ZFPM2: variants seen among roughly 807,000 people sequenced by gnomAD.
The protein encoded by ZFPM2 is zinc finger protein ZFPM2.
ZFPM2 carries 20 observed loss-of-function variants against 98.6 expected under a neutral mutation model. That is an observed-to-expected ratio of 0.20 (90% CI 0.14 to 0.29). The LOEUF is 0.29. ZFPM2 is among the 10% of genes least tolerant of loss of function. The probability of loss-of-function intolerance (pLI) is 1.00; values close to 1 mark genes in which losing one functional copy is unlikely to be tolerated. For missense variants in ZFPM2, 1,310 were observed against 1,388.6 expected, an observed-to-expected ratio of 0.94 and a Z score of 0.90; for synonymous variants, 518 against 502.7, an observed-to-expected ratio of 1.03 and a Z score of -0.41.
At chr8:105,374,699 G>C (rs1238125135) in intron 1 of ZFPM2, among the ~76,000 whole-genome samples, 1 of 152,096 alleles carries the variant, frequency 6.6e-6, no homozygotes, top group Admixed American at 6.5e-5. Flanking sequence ...GAGGAGAAGA[G>C]GGTGAAGAGA....
rs935526515 is a variant in ZFPM2 at position 105,443,323 on chromosome 8, AAAC to A, written c.200-954_200-952del. Among the ~76,000 whole-genome samples, 8 of 147,554 alleles carry A rather than the reference AAAC, an allele frequency of 5.4e-5. 1 individual carries two copies. Among genetic ancestry groups the A allele is most frequent in the African/African-American group, 1.3e-4 (5 of 38,464 alleles). Reference sequence around the variant, plus strand: ...GTAAGACTCCTTCTCAAAAAACAAAAAACAAAAAAAAAAAAACTTGGCATTATT... The same window carrying A: ...GTAAGACTCCTTCTCAAAAAACAAAAAAAAAAAAAAAAACTTGGCATTATT... On this transcript the variant is annotated intron_variant, in intron 2 of 7. Coordinates refer to ENST00000407775, the MANE Select transcript of ZFPM2 (RefSeq NM_012082.4).
At chr8:105,742,546 G>T (rs1260545332) in intron 5 of ZFPM2, among the ~76,000 whole-genome samples, 3 of 151,808 alleles carry the variant, frequency 2.0e-5, no homozygotes. Flanking sequence ...TTGTAGATAG[G>T]GTAGAAAGCA....
rs533585063 is a variant in ZFPM2, at chr8:105,585,975, G to A, written c.420+24494G>A. On this transcript the variant is annotated intron_variant, in intron 4 of 7. Transcript: ENST00000407775. ...TATTTGCATGAGTTAGGAGGGGTCA[G>A]GATGTAGTGTGTATGTGGGGGGAAG... 7.6e-4 allele frequency among the ~76,000 whole-genome samples: 115 copies of A among 151,340 alleles called. 2 individuals are homozygous for A. The South Asian group carries it at 0.02, about 26-fold the overall frequency.
intron 3 of ZFPM2, among the ~76,000 whole-genome samples, chr8:105,530,407 C>A (rs1814270722): frequency 2.0e-5 from 3 of 152,152 alleles, no homozygotes; most frequent in Admixed American, 2.0e-4. Flanking sequence ...GCGGCCGTAA[C>A]TAAAGACTAG....
chr8:105,735,703 A>T (rs1332713320), intron 5 of ZFPM2, among the ~76,000 whole-genome samples: 1 of 151,964 alleles, frequency 6.6e-6, no homozygotes, highest in African/African-American at 2.4e-5. Context: ...ATAAATATAT[A>T]CTTTGAGTCA....
intron 5 of ZFPM2, among the ~76,000 whole-genome samples, chr8:105,761,215 G>A (rs147046165): frequency 1.6e-4 from 24 of 149,262 alleles, no homozygotes; most frequent in African/African-American, 4.4e-4. Flanking sequence ...GACCAGTGTC[G>A]CAGGACAGTA....
chr8:105,670,563 C>T (rs566068595), intron 5 of ZFPM2, among the ~76,000 whole-genome samples: 7 of 151,308 alleles, frequency 4.6e-5, no homozygotes, highest in African/African-American at 1.5e-4. Context: ...TGTGTATGCG[C>T]GCCTTCATCC....
At chr8:105,793,067 A>C (rs1228605825) in intron 6 of ZFPM2, among the ~76,000 whole-genome samples, 2 of 151,948 alleles carry the variant, frequency 1.3e-5, no homozygotes, top group African/African-American at 4.8e-5. Flanking sequence ...TTTTAATTGG[A>C]GCATTTAGTC....
At chr8:105,523,026 G>C (rs1814096106) in intron 3 of ZFPM2, among the ~76,000 whole-genome samples, 1 of 152,096 alleles carries the variant, frequency 6.6e-6, no homozygotes, top group South Asian at 2.1e-4. Flanking sequence ...GCTAGGTCTA[G>C]TTCTTATTCT....
At chr8:105,533,158 A>G (rs1814331617) in intron 3 of ZFPM2, among the ~76,000 whole-genome samples, 1 of 152,186 alleles carries the variant, frequency 6.6e-6, no homozygotes, top group South Asian at 2.1e-4. Context: ...GTAACCTGAA[A>G]CTGCTTTTCT....
chr8:105,599,204 G>A (rs1020058461), intron 4 of ZFPM2, among the ~76,000 whole-genome samples: 1 of 151,852 alleles, frequency 6.6e-6, no homozygotes, highest in African/African-American at 2.4e-5. Flanking sequence ...TCCCACTTCT[G>A]TTTGATCCGT....
intron 1 of ZFPM2, among the ~76,000 whole-genome samples, chr8:105,401,301 A>G (rs2129983795): frequency 6.6e-6 from 1 of 152,210 alleles, no homozygotes; most frequent in South Asian, 2.1e-4. Context: ...AATTTTTAAA[A>G]TGGAACAAGC....
intron 1 of ZFPM2, among the ~76,000 whole-genome samples, chr8:105,341,594 T>TTA (rs1048692203): frequency 1.3e-5 from 2 of 151,996 alleles, no homozygotes; most frequent in Admixed American, 6.6e-5. Context: ...TATCCTCATT[T>TTA]TATATATATA....
intron 4 of ZFPM2, among the ~76,000 whole-genome samples, chr8:105,605,655 A>G (rs1816182888): frequency 6.6e-6 from 1 of 152,092 alleles, no homozygotes; most frequent in South Asian, 2.1e-4. Context: ...TTTTTATCTA[A>G]TGAGAGTAAT....
At chr8:105,495,268 G>C (rs1281017462) in intron 3 of ZFPM2, among the ~76,000 whole-genome samples, 4 of 152,104 alleles carry the variant, frequency 2.6e-5, no homozygotes, top group African/African-American at 9.7e-5. Flanking sequence ...AAATGTCATC[G>C]ACAAAATGTA....
chr8:105,422,266 C>G (rs917015797), intron 2 of ZFPM2, among the ~76,000 whole-genome samples: 6 of 151,240 alleles, frequency 4.0e-5, no homozygotes, highest in Admixed American at 4.0e-4. Flanking sequence ...GGCGAAACCC[C>G]ATCTCTACTA....
chr8:105,508,710 C>A (rs1483433907), intron 3 of ZFPM2, among the ~76,000 whole-genome samples: 1 of 151,902 alleles, frequency 6.6e-6, no homozygotes, highest in Admixed American at 6.6e-5. Flanking sequence ...CGGGGCTCTT[C>A]GGCTTCATTT....
Position 105,618,694 on chromosome 8 carries a change from C to A in ZFPM2, c.421-15552C>A, listed in dbSNP as rs920416853. 3.9e-5 allele frequency among the ~76,000 whole-genome samples: 6 copies of A among 152,016 alleles called. No homozygotes were observed. In the East Asian group the frequency reaches 1.2e-3, roughly 29 times the overall value. ...CCAAAATGACCCTATGACATAAATGCGTTTATTATATTTTATTTTGGAGAT... is the reference window on the plus strand; with the variant it reads ...CCAAAATGACCCTATGACATAAATGAGTTTATTATATTTTATTTTGGAGAT... On this transcript the variant is annotated intron_variant, in intron 4 of 7. Coordinates refer to ENST00000407775, the MANE Select transcript of ZFPM2 (RefSeq NM_012082.4).
Position 105,443,340 on chromosome 8 carries a change from C to A in ZFPM2, c.200-940C>A, listed in dbSNP as rs1201567400. 2.0e-3 allele frequency among the ~76,000 whole-genome samples: 225 copies of A among 114,388 alleles called. 2 individuals are homozygous for A. Among genetic ancestry groups the A allele is most frequent in the African/African-American group, 4.1e-3 (93 of 22,928 alleles). The allele number at this position is 114,388 out of a possible 152,430, so 75.0% of individuals were successfully genotyped here. A position where few individuals can be genotyped will look rare whatever the true frequency, so the allele number is the denominator to read the frequency against. On this transcript the variant is annotated intron_variant, in intron 2 of 7. Transcript: ENST00000407775. ...AAAACAAAAAACAAAAAAAAAAAAA[C>A]TTGGCATTATTAAATTCAAGGCATA... is the stretch of plus-strand genomic sequence containing the variant.
Sources: gnomAD v4.1 joint callset for allele counts (sites outside exome capture counted in the v4.1 genomes callset) on GRCh38, gnomAD v4.1.1 for gene constraint, MANE v1.5 for transcripts, NCBI Gene and HGNC (gene_info 2026-07-23, HGNC 2026-07-21) for gene names.